ZNF232: variants seen among roughly 807,000 people sequenced by gnomAD.
The protein encoded by ZNF232 is zinc finger protein 232.
ZNF232 carries 25 observed loss-of-function variants against 25.2 expected under a neutral mutation model. The ratio of observed to expected loss-of-function variants is 0.99; its 90% CI spans 0.72 to 1.39. ZNF232 has a LOEUF of 1.39. Ranked by LOEUF, ZNF232 falls within the 40% of genes most tolerant of loss-of-function variation. The pLI, the probability that ZNF232 is intolerant of heterozygous loss-of-function variation, is 0.00. For missense variants in ZNF232, 519 were observed against 520.9 expected (o/e 1.00, Z 0.04); for synonymous variants, 193 against 182.9 (o/e 1.06, Z -0.45).
chr17:5,106,070 T>A, exon 4 of ZNF232: 1 of 1,614,166 alleles, frequency 6.2e-7, no homozygotes, highest in Non-Finnish European at 8.5e-7. Context: ...CCTTCCCACA[T>A]TCATTACATT....
At chr17:5,105,874 C>T in exon 4 of ZNF232, 1 of 1,613,536 alleles carries the variant, frequency 6.2e-7, no homozygotes, top group Non-Finnish European at 8.5e-7. Flanking sequence ...CTAATGAGCT[C>T]TGAGCACCAT....
At chr17:5,121,908 T>C (rs973020436) in intron 1 of ZNF232, among the ~76,000 whole-genome samples, 3 of 152,056 alleles carry the variant, frequency 2.0e-5, no homozygotes, top group African/African-American at 2.4e-5. Context: ...TGGAGTCTGA[T>C]TGAGGAGCCT....
chr17:5,121,105 A>G (rs1004251610), intron 1 of ZNF232, among the ~76,000 whole-genome samples: 1 of 152,194 alleles, frequency 6.6e-6, no homozygotes, highest in Non-Finnish European at 1.5e-5. Flanking sequence ...GAGTGTCTCC[A>G]GTGTCCTAGG....
chr17:5,105,959 T>C lies in ZNF232; in HGVS notation c.1173A>G (p.Ser391=), dbSNP rs776870717. The C allele has an allele frequency of 2.5e-6, 4 of 1,613,790 alleles. No homozygotes were observed. In the African/African-American group the frequency reaches 5.3e-5, roughly 22 times the overall value. Residue 391 remains serine, a synonymous_variant, in exon 4 of 4, where the codon TCA becomes TCG. Transcript: ENST00000575898. ...GAATTCTCCGATGCTGACTTAGATA[T>C]GAGCTTTGACTAAAGGCCTTCCCAC...
At chr17:5,113,839 A>C (rs2072471138), upstream of ZNF232, 2 of 152,190 alleles carry the variant, frequency 1.3e-5, no homozygotes, top group Admixed American at 1.3e-4. Context: ...AACAGGACAC[A>C]CAAGGACACC....
chr17:5,109,056 G>T lies in ZNF232; in HGVS notation c.499-4C>A. 1 of 1,614,004 alleles carries T rather than the reference G, an allele frequency of 6.2e-7. No homozygotes were observed. Among genetic ancestry groups the T allele is most frequent in the South Asian group, 1.1e-5 (1 of 91,048 alleles). The stretch of plus-strand genomic sequence containing the variant: ...GTCCATGTGCAGGGCCTGGGACCTG[G>T]AGGTGATCAGGCACCACTCAGTTTA... On this transcript the variant is annotated splice_region_variant and splice_polypyrimidine_tract_variant and intron_variant, in intron 2 of 3. Coordinates refer to ENST00000575898, the Ensembl canonical transcript of ZNF232.
chr17:5,109,912 C>T (rs775485750), intron 1 of ZNF232, 44 bp from the exon 2 acceptor site: 41 of 1,513,498 alleles, frequency 2.7e-5, no homozygotes, highest in Non-Finnish European at 3.5e-5. Flanking sequence ...TTTTTTAAGA[C>T]AGAGTCTTTC....
At chr17:5,115,371 G>A (rs1354409811), upstream of ZNF232, among the ~76,000 whole-genome samples, 1 of 152,030 alleles carries the variant, frequency 6.6e-6, no homozygotes, top group African/African-American at 2.4e-5. Flanking sequence ...GGCCAACATG[G>A]TGAAACCCTC....
At chr17:5,108,700 T>C (rs997460882) in intron 3 of ZNF232, 5 of 531,970 alleles carry the variant, frequency 9.4e-6, no homozygotes, top group East Asian at 8.7e-5. Context: ...AAGACCCAAG[T>C]TGAGCTTAAT....
exon 2 of ZNF232, chr17:5,109,463 G>T: frequency 3.1e-6 from 5 of 1,614,114 alleles, no homozygotes; most frequent in Non-Finnish European, 4.2e-6. Flanking sequence ...CACTCTTAGG[G>T]TGATGTCCCC....
At chr17:5,117,159 C>T (rs928217144) in intron 1 of ZNF232, among the ~76,000 whole-genome samples, 5 of 152,216 alleles carry the variant, frequency 3.3e-5, no homozygotes, top group Non-Finnish European at 5.9e-5. Flanking sequence ...TAAGTTCCAT[C>T]AGGCCAGAGA....
At chr17:5,113,505 G>C (rs979262303), upstream of ZNF232, 1 of 152,228 alleles carries the variant, frequency 6.6e-6, no homozygotes, top group Non-Finnish European at 1.5e-5. Context: ...AGAACAGATT[G>C]AATCACAACT....
chr17:5,119,691 G>A (rs141622798), intron 1 of ZNF232, among the ~76,000 whole-genome samples: 46 of 152,320 alleles, frequency 3.0e-4, no homozygotes, highest in African/African-American at 1.1e-3. Context: ...GTAACTCAGT[G>A]TAAGAACACA....
intron 1 of ZNF232, 21 bp from the exon 2 acceptor site, chr17:5,109,889 A>G (rs772857573): frequency 6.4e-7 from 1 of 1,552,238 alleles, no homozygotes; most frequent in South Asian, 1.2e-5. Context: ...AGAAGAAATC[A>G]TTCCTCTTTT....
In ZNF232 at chr17:5,111,799, C is replaced by A; in HGVS notation, c.23+1G>T. On this transcript the variant is annotated splice_donor_variant, in intron 1 of 3. Coordinates refer to ENST00000575898, the Ensembl canonical transcript of ZNF232. LOFTEE classifies it high-confidence loss of function. ...TCGGGGAAGCCGCCGCCAACACTCA[C>A]CTCACAGGACCAGGAGGTTCCATCG... 6.2e-7 allele frequency: 1 copy of A among 1,613,894 alleles called. No homozygotes were observed. The highest frequency in any genetic ancestry group is 8.5e-7 in the Non-Finnish European group (1 of 1,179,888).
intron 3 of ZNF232, chr17:5,106,511 C>G (rs2072264923): frequency 6.2e-7 from 1 of 1,610,290 alleles, no homozygotes; most frequent in South Asian, 1.1e-5. Flanking sequence ...TAACAACTGA[C>G]AGAAAATGTA....
intron 2 of ZNF232, 137 bp downstream of exon 2, chr17:5,109,257 G>A: frequency 2.4e-6 from 3 of 1,269,594 alleles, no homozygotes; most frequent in Non-Finnish European, 3.4e-6. Flanking sequence ...AGAAAAGACA[G>A]ACACAGAAAC....
At chr17:5,106,384 T>G in exon 4 of ZNF232, 2 of 1,614,196 alleles carry the variant, frequency 1.2e-6, no homozygotes, top group South Asian at 2.2e-5. Context: ...CCCTCAGAGG[T>G]AGCTTCAAAT....
upstream of ZNF232, among the ~76,000 whole-genome samples, chr17:5,115,648 G>A (rs966898515): frequency 2.6e-5 from 4 of 151,988 alleles, no homozygotes; most frequent in African/African-American, 4.8e-5. Flanking sequence ...CAAAACTCAA[G>A]AAGCCACCAC....
Sources: gnomAD v4.1 joint callset for allele counts (sites outside exome capture counted in the v4.1 genomes callset) on GRCh38, gnomAD v4.1.1 for gene constraint, MANE v1.5 for transcripts, NCBI Gene and HGNC (gene_info 2026-07-23, HGNC 2026-07-21) for gene names.